GSE1: variants seen among roughly 807,000 people sequenced by gnomAD.
GSE1 encodes the protein genetic suppressor element 1.
In GSE1, 32 loss-of-function variants were observed where a neutral mutation model predicts 112.6. The ratio of observed to expected loss-of-function variants is 0.28; its 90% confidence interval spans 0.21 to 0.38. The LOEUF (loss-of-function observed/expected upper bound fraction) is 0.38. Among genes scored for constraint, GSE1 ranks in the 10% least tolerant of loss-of-function variants. The pLI is 1.00. For missense variants in GSE1, 2,348 were observed against 1,699.2 expected, an observed-to-expected ratio of 1.38 and a Z score of -6.71; for synonymous variants, 1,115 against 735.6, an observed-to-expected ratio of 1.52 and a Z score of -8.35.
chr16:85,396,832 G>A (rs1480578104), intron 2 of GSE1, among the ~76,000 whole-genome samples: 3 of 152,226 alleles, frequency 2.0e-5, no homozygotes, highest in Non-Finnish European at 4.4e-5. Flanking sequence ...CCTGTTTCCT[G>A]TCTGTGTGTG....
chr16:85,403,662 T>G (rs954080307), intron 2 of GSE1, among the ~76,000 whole-genome samples: 1 of 151,464 alleles, frequency 6.6e-6, no homozygotes, highest in African/African-American at 2.4e-5. Flanking sequence ...ATTAGCCGGG[T>G]ATGGTAGCAC....
At chr16:85,509,526 G>A (rs552270876) in intron 2 of GSE1, among the ~76,000 whole-genome samples, 22 of 152,252 alleles carry the variant, frequency 1.4e-4, no homozygotes, top group Non-Finnish European at 2.4e-4. Flanking sequence ...TCCGAGCTCC[G>A]TTTGGCCAGC....
At chr16:85,529,540 G>C (rs759881010) in intron 2 of GSE1, among the ~76,000 whole-genome samples, 5 of 152,226 alleles carry the variant, frequency 3.3e-5, no homozygotes, top group Non-Finnish European at 4.4e-5. Flanking sequence ...GTTGGGGGCA[G>C]CTGAGCAGCC....
chr16:85,650,495 C>A (rs1333123631), intron 3 of GSE1, among the ~76,000 whole-genome samples: 1 of 152,238 alleles, frequency 6.6e-6, no homozygotes, highest in African/African-American at 2.4e-5. Flanking sequence ...CTGGCCTAGA[C>A]CCAGGACGCC....
chr16:85,381,200 G>A (rs898182230), intron 2 of GSE1, among the ~76,000 whole-genome samples: 13 of 152,154 alleles, frequency 8.5e-5, no homozygotes, highest in South Asian at 4.1e-4. Flanking sequence ...AAATGGAATC[G>A]TACCGTTTGT....
intron 2 of GSE1, among the ~76,000 whole-genome samples, chr16:85,550,865 C>T (rs1287278576): frequency 2.0e-5 from 3 of 152,184 alleles, no homozygotes; most frequent in Non-Finnish European, 2.9e-5. Flanking sequence ...TCCGGCGGGC[C>T]GCATGCCGCC....
intron 1 of GSE1, among the ~76,000 whole-genome samples, chr16:85,346,786 G>A (rs1272910227): frequency 2.7e-5 from 4 of 150,676 alleles, no homozygotes; most frequent in Non-Finnish European, 5.9e-5. Flanking sequence ...TGGATGGATG[G>A]ATGGACAGGT....
chr16:85,661,808 A>G (rs1261012964), intron 9 of GSE1, 43 bp downstream of exon 9: 6 of 1,449,890 alleles, frequency 4.1e-6, no homozygotes, highest in African/African-American at 2.9e-5. Flanking sequence ...GGAGAGCCGC[A>G]CAGTGGGGAT....
chr16:85,477,292 C>T (rs1035513950), intron 2 of GSE1, among the ~76,000 whole-genome samples: 1 of 152,170 alleles, frequency 6.6e-6, no homozygotes, highest in Non-Finnish European at 1.5e-5. Context: ...GCCCAAAACA[C>T]GTATACAGGA....
chr16:85,255,360 C>T (rs1391533479), intron 1 of GSE1, among the ~76,000 whole-genome samples: 1 of 152,166 alleles, frequency 6.6e-6, no homozygotes, highest in Non-Finnish European at 1.5e-5. Flanking sequence ...TGATGATACC[C>T]CTCCCAGCCT....
chr16:85,500,168 A>G (rs888409591), intron 2 of GSE1, among the ~76,000 whole-genome samples: 6 of 152,230 alleles, frequency 3.9e-5, no homozygotes, highest in Non-Finnish European at 5.9e-5. Flanking sequence ...ACCGGCTGCC[A>G]GGTGCAGAGC....
chr16:85,280,173 C>T (rs1040197515), intron 1 of GSE1, among the ~76,000 whole-genome samples: 5 of 152,136 alleles, frequency 3.3e-5, no homozygotes, highest in Admixed American at 6.5e-5. Flanking sequence ...TCCCAGCAGG[C>T]GGTGCTTAAG....
intron 1 of GSE1, among the ~76,000 whole-genome samples, chr16:85,563,133 G>A (rs574312351): frequency 1.3e-5 from 2 of 152,146 alleles, no homozygotes; most frequent in Admixed American, 6.5e-5. Flanking sequence ...GAGGGAGTTC[G>A]GGGGTGAGGG....
intron 1 of GSE1, among the ~76,000 whole-genome samples, chr16:85,614,590 C>T (rs2048249317): frequency 6.6e-6 from 1 of 152,106 alleles, no homozygotes; most frequent in African/African-American, 2.4e-5. Context: ...CGTGGTGGGC[C>T]GGGGGCCTGG....
chr16:85,345,464 C>T (rs570332886), intron 1 of GSE1, among the ~76,000 whole-genome samples: 35 of 152,284 alleles, frequency 2.3e-4, no homozygotes, highest in Admixed American at 7.2e-4. Context: ...TGGGCCATTG[C>T]GCTTGCTGTT....
At chr16:85,374,390 GGTT>G (rs1023175310) in intron 2 of GSE1, among the ~76,000 whole-genome samples, 2 of 151,784 alleles carry the variant, frequency 1.3e-5, no homozygotes, top group Admixed American at 6.6e-5. Context: ...GTATGTGTGT[GGTT>G]GTGTGTGGCC....
rs150513925 is a variant in GSE1, at chr16:85,394,965, G to A, written c.2464+37322G>A. Reference sequence around the variant, plus strand: ...AGGCATCCAGGGAAGGCCCCCTGGAGGAAGTGGCAATTGAGTCGGGCCTTG... The same window carrying A: ...AGGCATCCAGGGAAGGCCCCCTGGAAGAAGTGGCAATTGAGTCGGGCCTTG... On this transcript the variant is annotated intron_variant, in intron 2 of 2. Transcript: ENST00000637419. Among the ~76,000 whole-genome samples, 380 of 152,270 alleles carry A rather than the reference G, an allele frequency of 2.5e-3. 1 individual carries two copies. Among genetic ancestry groups the A allele is most frequent in the African/African-American group, 8.4e-3 (347 of 41,544 alleles).
At chr16:85,242,259 T>G (rs1228424137) in intron 1 of GSE1, among the ~76,000 whole-genome samples, 1 of 152,104 alleles carries the variant, frequency 6.6e-6, no homozygotes, top group Non-Finnish European at 1.5e-5. Flanking sequence ...CCAGCCCCCC[T>G]GCAAGCAGCC....
chr16:85,656,602 C>T lies in GSE1; in HGVS notation c.1249C>T (p.Leu417=), dbSNP rs1409066916. ...SFLPVAELHG[L]RGHATEERGK... ...CCTGCCCGTGGCCGAGCTGCATGGG[C>T]TGCGTGGCCATGCCACTGAGGAGCG... The change falls in exon 7 of 16, where the codon CTG becomes TTG. Residue 417 remains leucine, a synonymous_variant. Transcript: ENST00000253458. The T allele has an allele frequency of 6.5e-7, 1 of 1,546,202 alleles. No individual in the cohort carries two copies. The highest frequency in any genetic ancestry group is 8.7e-7 in the Non-Finnish European group (1 of 1,145,178).
Sources: gnomAD v4.1 joint callset for allele counts (sites outside exome capture counted in the v4.1 genomes callset) on GRCh38, gnomAD v4.1.1 for gene constraint, MANE v1.5 for transcripts, NCBI Gene and HGNC (gene_info 2026-07-23, HGNC 2026-07-21) for gene names.